PIAS2: variants seen among roughly 807,000 people sequenced by gnomAD.
PIAS2 encodes the protein protein inhibitor of activated STAT 2.
PIAS2 carries 19 observed loss-of-function variants against 69.7 expected under a neutral mutation model. The observed-to-expected ratio is 0.27, with a 90% CI of 0.19 to 0.40. PIAS2 has a LOEUF of 0.40. PIAS2 is among the 10% of genes least tolerant of loss of function. The probability of loss-of-function intolerance (pLI) is 1.00; values close to 1 mark genes in which losing one functional copy is unlikely to be tolerated. For missense variants in PIAS2, 624 were observed against 757.0 expected (o/e 0.82, Z 2.06); for synonymous variants, 261 against 263.2 (o/e 0.99, Z 0.08).
intron 1 of PIAS2, among the ~76,000 whole-genome samples, chr18:46,892,345 C>T (rs913778243): frequency 6.6e-6 from 1 of 152,058 alleles, no homozygotes; most frequent in African/African-American, 2.4e-5. Context: ...CTATATATGT[C>T]TCTATATTTC....
chr18:46,864,356 C>T (rs932108468), intron 2 of PIAS2, 108 bp from the exon 3 acceptor site: 6 of 664,548 alleles, frequency 9.0e-6, no homozygotes, highest in African/African-American at 1.8e-5. Flanking sequence ...AATTCTGAAA[C>T]GTTATGGTTA....
In PIAS2 at chr18:46,830,745, A is replaced by G. The variant is rs1372798870; in HGVS notation, c.1203-878T>C. Among the ~76,000 whole-genome samples the G allele has an allele frequency of 2.6e-5, 4 of 152,228 alleles. No individual in the cohort carries two copies. In the East Asian group the frequency reaches 5.8e-4, roughly 22 times the overall value. On this transcript the variant is annotated intron_variant, in intron 9 of 13. Coordinates refer to ENST00000585916, the MANE Select transcript of PIAS2 (RefSeq NM_004671.5). ...TATTAAATAAGTTGGATCTGTAGTT[A>G]AAAACTTTGCCACAAAGAAAATCCT...
In PIAS2 at chr18:46,812,552, C is replaced by T; in HGVS notation, c.1747G>A (p.Val583Ile). The change falls in exon 14 of 14, where the codon GTC (valine) becomes ATC (isoleucine). Residue 583 changes from valine (V) to isoleucine (I), a missense_variant. Coordinates refer to ENST00000585916, the MANE Select transcript of PIAS2 (RefSeq NM_004671.5). ...TSPLTASSTS[V>I]TTTSSHESST... ...CTTTCATGGGAGCTGGTGGTGGTGA[C>T]AGACGTACTGCTTGCTGTTAAGGGT... The T allele has an allele frequency of 6.2e-7, 1 of 1,613,298 alleles. No homozygotes were observed. The highest frequency in any genetic ancestry group is 8.5e-7 in the Non-Finnish European group (1 of 1,179,344).
At chr18:46,911,805 G>A (rs148968849) in intron 1 of PIAS2, among the ~76,000 whole-genome samples, 1 of 152,322 alleles carries the variant, frequency 6.6e-6, no homozygotes, top group Non-Finnish European at 1.5e-5. Context: ...CACCACTTTG[G>A]GAGGCCAAGG....
chr18:46,869,697 TA>T (rs2050037097), intron 2 of PIAS2, among the ~76,000 whole-genome samples: 1 of 152,126 alleles, frequency 6.6e-6, no homozygotes, highest in Non-Finnish European at 1.5e-5. Flanking sequence ...CTAAACATAA[TA>T]AAAAACAACA....
At chr18:46,848,537 A>T (rs1337215410) in intron 5 of PIAS2, among the ~76,000 whole-genome samples, 5 of 152,218 alleles carry the variant, frequency 3.3e-5, no homozygotes, top group Admixed American at 3.3e-4. Context: ...TACTGGTAGT[A>T]TCACAAGCAA....
intron 2 of PIAS2, among the ~76,000 whole-genome samples, chr18:46,883,941 G>C (rs1386155887): frequency 6.6e-6 from 1 of 152,204 alleles, no homozygotes; most frequent in Non-Finnish European, 1.5e-5. Flanking sequence ...CTGAGAGGTA[G>C]AGGGTGCAGT....
At chr18:46,917,006 G>A in intron 1 of PIAS2, 1 of 986,698 alleles carries the variant, frequency 1.0e-6, no homozygotes, top group Non-Finnish European at 1.2e-6. Flanking sequence ...CCCTCACTGC[G>A]AACCGGGATG....
At chr18:46,816,935 T>C (rs750751638) in intron 12 of PIAS2, 37 of 935,716 alleles carry the variant, frequency 4.0e-5, no homozygotes, top group Non-Finnish European at 4.5e-5. Flanking sequence ...ATTAATAATA[T>C]TCAATAAATC....
At chr18:46,836,287 G>A in intron 9 of PIAS2, 70 bp downstream of exon 9, 1 of 1,139,536 alleles carries the variant, frequency 8.8e-7, no homozygotes, top group Non-Finnish European at 1.3e-6. Context: ...TCAGTAAGTT[G>A]TAGTGAACAA....
chr18:46,890,517 G>T, intron 2 of PIAS2, 63 bp downstream of exon 2: 1 of 970,354 alleles, frequency 1.0e-6, no homozygotes, highest in Admixed American at 2.3e-5. Context: ...TTAATCAATA[G>T]TTGAAGGTCT....
intron 1 of PIAS2, among the ~76,000 whole-genome samples, chr18:46,910,387 G>C (rs1258275473): frequency 1.3e-5 from 2 of 152,062 alleles, no homozygotes; most frequent in Non-Finnish European, 1.5e-5. Context: ...CGCCTTACCT[G>C]TTATAATCTT....
intron 8 of PIAS2, among the ~76,000 whole-genome samples, chr18:46,841,863 T>C (rs1287653424): frequency 2.0e-5 from 3 of 152,230 alleles, no homozygotes; most frequent in African/African-American, 7.2e-5. Context: ...AAATTGGTAA[T>C]GTTTGGAAGG....
intron 1 of PIAS2, among the ~76,000 whole-genome samples, chr18:46,896,080 A>G (rs1043745543): frequency 2.0e-5 from 3 of 151,886 alleles, no homozygotes; most frequent in Non-Finnish European, 2.9e-5. Context: ...GATTTAAAAT[A>G]AAGTAGTCAA....
At chr18:46,880,301 C>T (rs1416950792) in intron 2 of PIAS2, among the ~76,000 whole-genome samples, 1 of 152,068 alleles carries the variant, frequency 6.6e-6, no homozygotes, top group Non-Finnish European at 1.5e-5. Context: ...AGGAGGATCA[C>T]TTAAGCACAG....
intron 11 of PIAS2, among the ~76,000 whole-genome samples, chr18:46,824,962 G>A (rs551436934): frequency 6.6e-6 from 1 of 150,860 alleles, no homozygotes; most frequent in South Asian, 2.1e-4. Context: ...ATCACACCAC[G>A]GCATTCTAGC....
At chr18:46,881,091 A>T (rs968175676) in intron 2 of PIAS2, among the ~76,000 whole-genome samples, 3 of 152,144 alleles carry the variant, frequency 2.0e-5, no homozygotes, top group African/African-American at 7.2e-5. Context: ...CTGAAAGCCT[A>T]TTATAACCTT....
chr18:46,891,301 G>A (rs2054040579), intron 1 of PIAS2: 1 of 589,322 alleles, frequency 1.7e-6, no homozygotes, highest in African/African-American at 1.9e-5. Context: ...ATAGTCTATT[G>A]GTTTCTACTA....
intron 12 of PIAS2, among the ~76,000 whole-genome samples, chr18:46,818,694 A>G (rs1249261344): frequency 3.3e-5 from 5 of 152,100 alleles, no homozygotes; most frequent in Admixed American, 6.5e-5. Flanking sequence ...AACTATTTAG[A>G]TATAGTAACT....
Sources: gnomAD v4.1 joint callset for allele counts (sites outside exome capture counted in the v4.1 genomes callset) on GRCh38, gnomAD v4.1.1 for gene constraint, MANE v1.5 for transcripts, NCBI Gene and HGNC (gene_info 2026-07-23, HGNC 2026-07-21) for gene names.